The following RABL3 variants were observed in gnomAD, a reference collection of about 807,000 sequenced individuals.
The protein encoded by RABL3 is rab-like protein 3.
Under a neutral mutation model 31.8 loss-of-function variants are expected in RABL3, and 31 were observed. The ratio of observed to expected loss-of-function variants is 0.97; its 90% confidence interval spans 0.73 to 1.31. The LOEUF (loss-of-function observed/expected upper bound fraction) is 1.31. Ranked by LOEUF, RABL3 falls within the 40% of genes most tolerant of loss-of-function variation. The probability of loss-of-function intolerance (pLI) is 0.00; values close to 1 mark genes in which losing one functional copy is unlikely to be tolerated. For synonymous variants in RABL3, 97 were observed against 99.9 expected, an observed-to-expected ratio of 0.97 and a Z score of 0.18; for missense variants, 263 against 279.6, an observed-to-expected ratio of 0.94 and a Z score of 0.42.
intron 1 of RABL3, among the ~76,000 whole-genome samples, chr3:120,735,123 C>A (rs1374513274): frequency 6.6e-6 from 1 of 152,160 alleles, no homozygotes; most frequent in African/African-American, 2.4e-5. Flanking sequence ...GGAATGGTAC[C>A]AGCTCCTCCT....
At chr3:120,710,882 G>C (rs371784125) in intron 2 of RABL3, among the ~76,000 whole-genome samples, 2 of 152,010 alleles carry the variant, frequency 1.3e-5, no homozygotes, top group African/African-American at 4.8e-5. Context: ...TATTCTTAGC[G>C]GTAATCCTTT....
intron 1 of RABL3, among the ~76,000 whole-genome samples, chr3:120,735,764 C>A (rs1708952859): frequency 6.6e-6 from 1 of 152,172 alleles, no homozygotes; most frequent in Non-Finnish European, 1.5e-5. Flanking sequence ...CCATTGGTTT[C>A]AAAGAACATC....
rs966224895 is a variant in RABL3, at chr3:120,684,959, C to A, written c.*4864G>T. Among the ~76,000 whole-genome samples, 14 of 152,216 alleles carry A rather than the reference C, an allele frequency of 9.2e-5. No homozygotes were observed. The highest frequency in any genetic ancestry group is 2.1e-4 in the Non-Finnish European group (14 of 68,046). ...TAAGTTCTGATTCTATGTCTAATGG[C>A]TTTCCATTTTAATTAATGTAATTAT... On this transcript the variant is annotated 3_prime_UTR_variant, in exon 8 of 8. Transcript: ENST00000273375.
chr3:120,692,070 A>C (rs1708385900), intron 6 of RABL3, among the ~76,000 whole-genome samples: 1 of 152,226 alleles, frequency 6.6e-6, no homozygotes, highest in South Asian at 2.1e-4. Context: ...CACAAAAACC[A>C]AGAAGGAGAC....
intron 5 of RABL3, among the ~76,000 whole-genome samples, chr3:120,696,318 G>A (rs985099516): frequency 6.6e-6 from 1 of 152,058 alleles, no homozygotes; most frequent in Non-Finnish European, 1.5e-5. Flanking sequence ...GTTTTTATTT[G>A]AGGCTTTATA....
At chr3:120,742,571 T>C (rs1284437935), upstream of RABL3, 14 of 1,538,448 alleles carry the variant, frequency 9.1e-6, no homozygotes, top group Non-Finnish European at 1.3e-5. Context: ...GAGTTGGGCA[T>C]GGAGGGCAGA....
chr3:120,712,090 C>T (rs139269906), intron 2 of RABL3, among the ~76,000 whole-genome samples: 8 of 152,304 alleles, frequency 5.3e-5, no homozygotes, highest in Non-Finnish European at 8.8e-5. Context: ...CTAAAACTCA[C>T]ATACTACATT....
intron 1 of RABL3, among the ~76,000 whole-genome samples, chr3:120,739,828 G>A (rs1032886981): frequency 3.3e-5 from 5 of 152,140 alleles, no homozygotes; most frequent in African/African-American, 1.2e-4. Context: ...AACACTTGAG[G>A]CCTAGTTTAG....
intron 1 of RABL3, among the ~76,000 whole-genome samples, chr3:120,732,058 A>G (rs541276133): frequency 6.6e-6 from 1 of 152,280 alleles, no homozygotes; most frequent in Admixed American, 6.5e-5. Flanking sequence ...GACACTGTCT[A>G]CAAAAAAAAA....
chr3:120,734,974 A>G (rs1328677145), intron 1 of RABL3, among the ~76,000 whole-genome samples: 2 of 152,122 alleles, frequency 1.3e-5, no homozygotes, highest in Non-Finnish European at 2.9e-5. Context: ...TTTTGCATTG[A>G]TGTTCATCAG....
Position 120,685,781 on chromosome 3 carries a change from C to A in RABL3, c.*4042G>T, listed in dbSNP as rs1022120120. On this transcript the variant is annotated 3_prime_UTR_variant, in exon 8 of 8. Transcript: ENST00000273375. Reference sequence around the variant, plus strand: ...CTTTTTGATGAGTTTATTTGTCTTTCTTAAAGGCTAGATCCTGACTTATCT... The same window carrying A: ...CTTTTTGATGAGTTTATTTGTCTTTATTAAAGGCTAGATCCTGACTTATCT... Among the ~76,000 whole-genome samples, 1 of 152,140 alleles carries A rather than the reference C, an allele frequency of 6.6e-6. No homozygotes were observed. Among genetic ancestry groups the A allele is most frequent in the African/African-American group, 2.4e-5 (1 of 41,426 alleles).
chr3:120,735,651 A>G (rs920496964), intron 1 of RABL3, among the ~76,000 whole-genome samples: 1 of 152,046 alleles, frequency 6.6e-6, no homozygotes, highest in African/African-American at 2.4e-5. Flanking sequence ...TGTCAGTTTT[A>G]GATCTTTCCT....
intron 4 of RABL3, among the ~76,000 whole-genome samples, chr3:120,702,900 A>G (rs913230854): frequency 6.6e-6 from 1 of 152,152 alleles, no homozygotes; most frequent in Non-Finnish European, 1.5e-5. Flanking sequence ...ATCTCAAGAC[A>G]GTGGGGCAAA....
intron 6 of RABL3, among the ~76,000 whole-genome samples, chr3:120,692,133 GTGAGGAA>G (rs1327773848): frequency 6.6e-6 from 1 of 152,150 alleles, no homozygotes. Context: ...ATTCTGGAGC[GTGAGGAA>G]TTACTACTAG....
chr3:120,722,772 A>G (rs1300687418), intron 2 of RABL3: 1 of 152,238 alleles, frequency 6.6e-6, no homozygotes, highest in Non-Finnish European at 1.5e-5. Flanking sequence ...ACAACATACC[A>G]GAATCTCTGG....
At chr3:120,697,368 T>C (rs1319080467) in intron 5 of RABL3, among the ~76,000 whole-genome samples, 1 of 152,208 alleles carries the variant, frequency 6.6e-6, no homozygotes, top group Non-Finnish European at 1.5e-5. Flanking sequence ...ATAGAGTTGA[T>C]TGTGAAGATG....
intron 1 of RABL3, among the ~76,000 whole-genome samples, chr3:120,737,878 T>C (rs1307410766): frequency 1.3e-5 from 2 of 152,220 alleles, no homozygotes; most frequent in African/African-American, 4.8e-5. Context: ...GATCATTCAT[T>C]CCTCTGGAAG....
chr3:120,700,868 G>A (rs1327481494), intron 4 of RABL3, among the ~76,000 whole-genome samples: 3 of 151,964 alleles, frequency 2.0e-5, no homozygotes, highest in Non-Finnish European at 4.4e-5. Flanking sequence ...ATTTACATAT[G>A]TTTAAAATTT....
At chr3:120,730,816 A>C in intron 1 of RABL3, 29 bp from the exon 2 acceptor site, 1 of 1,439,922 alleles carries the variant, frequency 6.9e-7, no homozygotes, top group Non-Finnish European at 9.8e-7. Context: ...CTCTAGTCAC[A>C]TAAGAGACAA....
Sources: allele counts gnomAD v4.1 joint callset (sites outside exome capture counted in the v4.1 genomes callset), GRCh38; gene constraint gnomAD v4.1.1; transcripts MANE v1.5; gene names NCBI Gene and HGNC (gene_info 2026-07-23, HGNC 2026-07-21).